Variants in GPC6 observed in about 807,000 individuals in gnomAD.
GPC6 encodes glypican 6.
Under a neutral mutation model 55.2 loss-of-function variants are expected in GPC6, and 14 were observed. The ratio of observed to expected loss-of-function variants is 0.25; its 90% CI spans 0.17 to 0.40. The LOEUF (loss-of-function observed/expected upper bound fraction) is 0.40, where lower values mean the gene tolerates loss of function less well. Among genes scored for constraint, GPC6 ranks in the 10% least tolerant of loss-of-function variants. GPC6 has a pLI of 1.00. For missense variants in GPC6, 641 were observed against 708.5 expected (o/e 0.90, Z 1.08); for synonymous variants, 278 against 259.6 (o/e 1.07, Z -0.68).
intron 1 of GPC6, among the ~76,000 whole-genome samples, chr13:93,415,743 G>A (rs889447178): frequency 1.3e-5 from 2 of 152,056 alleles, no homozygotes; most frequent in African/African-American, 4.8e-5. Flanking sequence ...TTTGAGTACT[G>A]GAAGATGAGC....
chr13:94,280,170 G>T (rs1012414381), intron 4 of GPC6, among the ~76,000 whole-genome samples: 2 of 152,092 alleles, frequency 1.3e-5, no homozygotes, highest in African/African-American at 4.8e-5. Flanking sequence ...TCTTCTTTTT[G>T]AATTGATCCC....
intron 3 of GPC6, among the ~76,000 whole-genome samples, chr13:93,872,051 C>A (rs532377253): frequency 7.2e-5 from 11 of 152,006 alleles, no homozygotes; most frequent in Admixed American, 5.9e-4. Flanking sequence ...AATTTATGAT[C>A]TTTGAATCAA....
At chr13:93,265,011 A>G (rs1877276992) in intron 1 of GPC6, among the ~76,000 whole-genome samples, 1 of 152,064 alleles carries the variant, frequency 6.6e-6, no homozygotes, top group African/African-American at 2.4e-5. Flanking sequence ...AGATTATGAA[A>G]TTTCTTAGAG....
intron 4 of GPC6, among the ~76,000 whole-genome samples, chr13:94,084,546 T>A (rs1364191446): frequency 6.6e-6 from 1 of 152,116 alleles, no homozygotes; most frequent in Non-Finnish European, 1.5e-5. Flanking sequence ...AATTCAAATG[T>A]CAGTTAAATG....
intron 2 of GPC6, among the ~76,000 whole-genome samples, chr13:93,570,503 C>A (rs9584136): frequency 0.14 from 21,952 of 152,024 alleles, 3,125 homozygotes; most frequent in African/African-American, 0.35. Context: ...ATTCGATGTT[C>A]TATAAATAGT....
rs143695449 is a variant in GPC6 at position 93,901,717 on chromosome 13, A to G, written c.711+71172A>G. Among the ~76,000 whole-genome samples the G allele has an allele frequency of 2.2e-3, 330 of 152,116 alleles. 3 individuals carry two copies. Among genetic ancestry groups the G allele is most frequent in the African/African-American group, 7.7e-3 (321 of 41,500 alleles). ...GCAATTTGAGACCAGCCTGACCAAC[A>G]TGGTGAAAACCCATCTCTACTAAAA... is the stretch of plus-strand genomic sequence containing the variant. On this transcript the variant is annotated intron_variant, in intron 3 of 8. Coordinates refer to ENST00000377047, the MANE Select transcript of GPC6 (RefSeq NM_005708.5).
At chr13:93,765,392 C>T (rs926208972) in intron 2 of GPC6, among the ~76,000 whole-genome samples, 1 of 115,044 alleles carries the variant, frequency 8.7e-6, no homozygotes, top group African/African-American at 3.1e-5. Flanking sequence ...TGAAAAATGG[C>T]CAAACATAAT....
At chr13:94,310,551 G>A (rs149019833) in intron 6 of GPC6, among the ~76,000 whole-genome samples, 121 of 152,108 alleles carry the variant, frequency 8.0e-4, no homozygotes, top group African/African-American at 2.4e-3. Flanking sequence ...ACTGTGTGGC[G>A]GACTATGCAG....
At chr13:93,973,678 G>A (rs1594633377) in intron 3 of GPC6, among the ~76,000 whole-genome samples, 1 of 152,120 alleles carries the variant, frequency 6.6e-6, no homozygotes, top group African/African-American at 2.4e-5. Flanking sequence ...AAAGATTTGA[G>A]TGCCTTTCTC....
At chr13:94,152,265 A>C (rs1367356278) in intron 4 of GPC6, among the ~76,000 whole-genome samples, 3 of 152,214 alleles carry the variant, frequency 2.0e-5, no homozygotes, top group African/African-American at 7.2e-5. Context: ...TTGGATGTCC[A>C]AAGTTCTTGA....
chr13:93,443,372 G>A (rs1877876747), intron 1 of GPC6, among the ~76,000 whole-genome samples: 1 of 152,166 alleles, frequency 6.6e-6, no homozygotes, highest in Non-Finnish European at 1.5e-5. Context: ...AGCAAAATAA[G>A]TAGCTGAACG....
chr13:93,955,251 AC>A (rs1297872929), intron 3 of GPC6, among the ~76,000 whole-genome samples: 1 of 132,028 alleles, frequency 7.6e-6, no homozygotes, highest in Non-Finnish European at 1.5e-5. Context: ...ATGCACACAC[AC>A]ACACACACAC....
intron 7 of GPC6, among the ~76,000 whole-genome samples, chr13:94,384,650 G>A (rs1175610505): frequency 2.0e-5 from 3 of 152,218 alleles, no homozygotes; most frequent in African/African-American, 7.2e-5. Flanking sequence ...AGCTGGAGGA[G>A]ATCAGGATGG....
rs144164243 is a variant in GPC6 at position 93,654,828 on chromosome 13, C to T, written c.319+109407C>T. ...TCCAATATGAATCCAAAGACATCAA[C>T]ATAACCAGATTTTTTTTTTTTTTTT... On this transcript the variant is annotated intron_variant, in intron 2 of 8. Coordinates refer to ENST00000377047, the MANE Select transcript of GPC6 (RefSeq NM_005708.5). Among the ~76,000 whole-genome samples the T allele has an allele frequency of 2.1e-3, 317 of 150,682 alleles. 2 individuals carry two copies. Among genetic ancestry groups the T allele is most frequent in the African/African-American group, 7.2e-3 (297 of 41,096 alleles).
intron 4 of GPC6, among the ~76,000 whole-genome samples, chr13:94,176,079 T>C (rs1217049860): frequency 6.6e-6 from 1 of 151,898 alleles, no homozygotes; most frequent in African/African-American, 2.4e-5. Flanking sequence ...GTTCTTTATA[T>C]ATCCTGGAAA....
At chr13:93,504,315 A>G (rs1476239188) in intron 1 of GPC6, among the ~76,000 whole-genome samples, 1 of 152,130 alleles carries the variant, frequency 6.6e-6, no homozygotes, top group Non-Finnish European at 1.5e-5. Context: ...CTGATTAAAT[A>G]TGAGTTCCAA....
chr13:93,891,678 C>T (rs1566589244), intron 3 of GPC6, among the ~76,000 whole-genome samples: 1 of 152,002 alleles, frequency 6.6e-6, no homozygotes, highest in Admixed American at 6.6e-5. Flanking sequence ...TCTATACACA[C>T]TATATATACA....
chr13:93,259,221 A>G (rs1877055122), intron 1 of GPC6, among the ~76,000 whole-genome samples: 1 of 152,084 alleles, frequency 6.6e-6, no homozygotes, highest in African/African-American at 2.4e-5. Flanking sequence ...CCCATGCCTG[A>G]TATTCTGTTG....
chr13:93,555,471 C>G (rs1300467849), intron 2 of GPC6, among the ~76,000 whole-genome samples: 4 of 152,062 alleles, frequency 2.6e-5, no homozygotes, highest in Admixed American at 2.6e-4. Flanking sequence ...TACTTATATT[C>G]CTATAATAAT....
Sources: gnomAD v4.1 joint callset for allele counts (sites outside exome capture counted in the v4.1 genomes callset) on GRCh38, gnomAD v4.1.1 for gene constraint, MANE v1.5 for transcripts, NCBI Gene and HGNC (gene_info 2026-07-23, HGNC 2026-07-21) for gene names.